DOCK9: variants seen among roughly 807,000 people sequenced by gnomAD.
DOCK9 encodes dedicator of cytokinesis protein 9.
A neutral mutation model predicts 263.3 loss-of-function variants in DOCK9; 89 were observed. The ratio of observed to expected loss-of-function variants is 0.34; its 90% CI spans 0.28 to 0.40. The LOEUF is 0.40. Among genes scored for constraint, DOCK9 ranks in the 10% least tolerant of loss-of-function variants. DOCK9 has a pLI of 1.00. For missense variants in DOCK9, 2,140 were observed against 2,603.4 expected (o/e 0.82, Z 3.87); for synonymous variants, 976 against 973.1 (o/e 1.00, Z -0.06).
chr13:99,030,486 T>C (rs531642357), intron 1 of DOCK9, among the ~76,000 whole-genome samples: 22 of 152,334 alleles, frequency 1.4e-4, no homozygotes, highest in African/African-American at 4.8e-4. Context: ...AAGAAATGTC[T>C]AGCTTAAGGG....
intron 1 of DOCK9, among the ~76,000 whole-genome samples, chr13:99,016,928 T>C (rs1485808874): frequency 6.6e-6 from 1 of 152,206 alleles, no homozygotes; most frequent in Non-Finnish European, 1.5e-5. Context: ...ACGCATGTAG[T>C]AAAATCATAC....
At chr13:98,989,205 T>G (rs1042291199) in intron 1 of DOCK9, among the ~76,000 whole-genome samples, 1 of 152,050 alleles carries the variant, frequency 6.6e-6, no homozygotes, top group Admixed American at 6.6e-5. Context: ...AAAGAATATT[T>G]TCCTCCTTGG....
rs139097827 is a variant in DOCK9, at chr13:98,945,028, T to C, written c.243+10407A>G. The stretch of plus-strand genomic sequence containing the variant: ...GCTAAGCAAGATGGTTTTAAACAAA[T>C]TAAAGAACAAATGAATCAGTCAAGG... On this transcript the variant is annotated intron_variant, in intron 2 of 52. Transcript: ENST00000682017. Among the ~76,000 whole-genome samples, 762 of 152,268 alleles carry C rather than the reference T, an allele frequency of 5.0e-3. 3 individuals carry two copies. The highest frequency in any genetic ancestry group is 0.031 in the Middle Eastern group (9 of 294).
At chr13:99,050,561 C>A (rs566469244) in intron 1 of DOCK9, among the ~76,000 whole-genome samples, 4 of 152,194 alleles carry the variant, frequency 2.6e-5, no homozygotes, top group African/African-American at 9.6e-5. Context: ...GACGTGGTGG[C>A]GGGCGCCTGT....
At position 98,916,959 on chromosome 13, in the gene DOCK9, T is replaced by G. The variant is rs1315780705; in HGVS notation, c.718-1456A>C. Among the ~76,000 whole-genome samples, 5 of 152,352 alleles carry G rather than the reference T, an allele frequency of 3.3e-5. No individual in the cohort carries two copies. In the East Asian group the frequency reaches 5.8e-4, roughly 18 times the overall value. ...TTTTATAATATCCATAAGTAATAAT[T>G]TTTAAAAACACTTAAATCACAACTT... is the stretch of plus-strand genomic sequence containing the variant. On this transcript the variant is annotated intron_variant, in intron 7 of 52. Transcript: ENST00000682017.
intron 18 of DOCK9, among the ~76,000 whole-genome samples, chr13:98,887,723 A>G (rs1473452063): frequency 2.0e-5 from 3 of 151,926 alleles, no homozygotes; most frequent in Admixed American, 2.0e-4. Context: ...TGGAGTACAA[A>G]CAGCTTTCAA....
chr13:98,847,345 T>C (rs2093422722), intron 37 of DOCK9: 1 of 152,278 alleles, frequency 6.6e-6, no homozygotes, highest in South Asian at 2.1e-4. Flanking sequence ...TAGAAGACGT[T>C]GCTGGTATAA....
chr13:98,865,356 G>A (rs2093992133), intron 30 of DOCK9, among the ~76,000 whole-genome samples: 1 of 152,162 alleles, frequency 6.6e-6, no homozygotes, highest in East Asian at 1.9e-4. Flanking sequence ...GTAAGTGCGA[G>A]CCACTGCACT....
At chr13:98,817,110 T>C (rs1423496965) in intron 45 of DOCK9, among the ~76,000 whole-genome samples, 1 of 152,234 alleles carries the variant, frequency 6.6e-6, no homozygotes, top group Non-Finnish European at 1.5e-5. Flanking sequence ...GATATCTGTA[T>C]ACAGCAGGCT....
At chr13:98,914,470 G>A (rs2050570566) in intron 8 of DOCK9, 75 bp from the exon 9 acceptor site, 16 of 1,327,084 alleles carry the variant, frequency 1.2e-5, no homozygotes, top group Admixed American at 6.1e-5. Context: ...GAGGAAGGCC[G>A]TTTCTCTTAG....
chr13:98,886,921 A>C (rs969429918), intron 18 of DOCK9, among the ~76,000 whole-genome samples: 1 of 151,698 alleles, frequency 6.6e-6, no homozygotes, highest in African/African-American at 2.4e-5. Context: ...TGTCCAAATA[A>C]CCTTCGCTTC....
intron 52 of DOCK9, chr13:98,796,273 T>C: frequency 6.9e-7 from 1 of 1,445,050 alleles, no homozygotes; most frequent in Non-Finnish European, 9.6e-7. Context: ...CACACTGACG[T>C]TCGTTTCCTG....
At chr13:98,898,594 G>A (rs1213487234) in intron 13 of DOCK9, among the ~76,000 whole-genome samples, 1 of 152,124 alleles carries the variant, frequency 6.6e-6, no homozygotes, top group Non-Finnish European at 1.5e-5. Flanking sequence ...AGTCTACTGA[G>A]TTATTAATAA....
intron 1 of DOCK9, among the ~76,000 whole-genome samples, chr13:98,967,668 G>A (rs1286564824): frequency 6.6e-6 from 1 of 152,190 alleles, no homozygotes; most frequent in African/African-American, 2.4e-5. Context: ...CACGTCGCCA[G>A]GGAGGAGGGA....
At chr13:99,068,486 G>C (rs949873841) in intron 1 of DOCK9, among the ~76,000 whole-genome samples, 1 of 152,342 alleles carries the variant, frequency 6.6e-6, no homozygotes, top group Admixed American at 6.5e-5. Context: ...TGGGGAGGCT[G>C]AAGCAGAATC....
intron 1 of DOCK9, among the ~76,000 whole-genome samples, chr13:98,986,079 G>A (rs1878386195): frequency 6.6e-6 from 1 of 152,202 alleles, no homozygotes; most frequent in Non-Finnish European, 1.5e-5. Context: ...TAAATAAAAT[G>A]CATCATTCAA....
chr13:99,011,820 T>C (rs1434940790), intron 1 of DOCK9, among the ~76,000 whole-genome samples: 3 of 152,220 alleles, frequency 2.0e-5, no homozygotes, highest in East Asian at 3.8e-4. Flanking sequence ...AGCATTCTTT[T>C]TTTGTTTATT....
At chr13:99,080,917 C>T (rs1181992185) in intron 1 of DOCK9, among the ~76,000 whole-genome samples, 2 of 152,344 alleles carry the variant, frequency 1.3e-5, no homozygotes, top group African/African-American at 2.4e-5. Context: ...GCCCCAGGGT[C>T]GGCCCTCAGT....
At chr13:98,899,212 C>A (rs761002203) in intron 13 of DOCK9, among the ~76,000 whole-genome samples, 2 of 152,040 alleles carry the variant, frequency 1.3e-5, no homozygotes, top group Non-Finnish European at 2.9e-5. Context: ...TGGATCAGAA[C>A]GTGCGTTCTG....
Sources: gnomAD v4.1 joint callset for allele counts (sites outside exome capture counted in the v4.1 genomes callset) on GRCh38, gnomAD v4.1.1 for gene constraint, MANE v1.5 for transcripts, NCBI Gene and HGNC (gene_info 2026-07-23, HGNC 2026-07-21) for gene names.